ST18: variants seen among roughly 807,000 people sequenced by gnomAD.
The protein encoded by ST18 is ST18 C2H2C-type zinc finger transcription factor, also known as suppression of tumorigenicity 18 protein.
In ST18, 50 loss-of-function variants were observed where a neutral mutation model predicts 110.0. The ratio of observed to expected loss-of-function variants is 0.45; its 90% confidence interval spans 0.36 to 0.58. The LOEUF is 0.58. ST18 is among the 20% of genes least tolerant of loss of function. ST18 has a pLI of 0.00. For synonymous variants in ST18, 461 were observed against 452.4 expected (o/e 1.02, Z -0.24); for missense variants, 1,306 against 1,280.1 (o/e 1.02, Z -0.31).
intron 23 of ST18, among the ~76,000 whole-genome samples, chr8:52,119,560 G>T (rs908611045): frequency 1.3e-5 from 2 of 152,158 alleles, no homozygotes; most frequent in African/African-American, 4.8e-5. Context: ...CCTCCTGAAG[G>T]TGGATGCTCA....
chr8:52,186,210 G>A (rs1340688215), intron 8 of ST18, among the ~76,000 whole-genome samples: 1 of 152,134 alleles, frequency 6.6e-6, no homozygotes, highest in Non-Finnish European at 1.5e-5. Flanking sequence ...AATATATAAA[G>A]AATTCTTCCA....
intron 2 of ST18, among the ~76,000 whole-genome samples, chr8:52,352,798 C>T (rs1203464520): frequency 1.3e-5 from 2 of 152,170 alleles, no homozygotes; most frequent in Admixed American, 6.5e-5. Flanking sequence ...TGCAGAGAAC[C>T]GTGGGAGAAG....
chr8:52,369,387 C>G (rs1315908124), intron 2 of ST18, among the ~76,000 whole-genome samples: 1 of 152,162 alleles, frequency 6.6e-6, no homozygotes, highest in African/African-American at 2.4e-5. Context: ...AAGAGAAATA[C>G]TCTCTCCTTC....
At chr8:52,355,149 A>G (rs892087507) in intron 2 of ST18, among the ~76,000 whole-genome samples, 7 of 152,106 alleles carry the variant, frequency 4.6e-5, no homozygotes, top group African/African-American at 1.7e-4. Flanking sequence ...GCCCACTCCT[A>G]GACTTGGGCA....
At chr8:52,137,376 GAACAAGACCA>G (rs1294260727) in intron 18 of ST18, 35 bp downstream of exon 18, 20 of 1,600,878 alleles carry the variant, frequency 1.2e-5, no homozygotes, top group Non-Finnish European at 1.6e-5. Flanking sequence ...ATTTAAAATA[GAACAAGACCA>G]TGAAAATCTG....
intron 9 of ST18, among the ~76,000 whole-genome samples, chr8:52,174,706 T>C (rs1246058829): frequency 1.3e-5 from 2 of 152,224 alleles, no homozygotes; most frequent in East Asian, 1.9e-4. Flanking sequence ...CTGTTTGTTA[T>C]ATGCTAAAAG....
intron 2 of ST18, among the ~76,000 whole-genome samples, chr8:52,391,199 C>A (rs1217815776): frequency 6.6e-6 from 1 of 152,206 alleles, no homozygotes; most frequent in Non-Finnish European, 1.5e-5. Flanking sequence ...AACCCACCCC[C>A]AGAGCCTTCT....
chr8:52,136,470 G>C (rs2052347767), intron 19 of ST18, 120 bp downstream of exon 19: 2 of 973,898 alleles, frequency 2.1e-6, no homozygotes, highest in Non-Finnish European at 3.1e-6. Context: ...TGCCTTTGCT[G>C]TGATCCTGGC....
chr8:52,295,834 C>T (rs1589694811), intron 2 of ST18, among the ~76,000 whole-genome samples: 2 of 151,632 alleles, frequency 1.3e-5, no homozygotes, highest in East Asian at 3.9e-4. Flanking sequence ...TCCCTGCACG[C>T]TCAATCTGCC....
chr8:52,224,979 T>C (rs2088700444), intron 3 of ST18, among the ~76,000 whole-genome samples: 2 of 152,336 alleles, frequency 1.3e-5, no homozygotes, highest in South Asian at 4.1e-4. Context: ...GCAACTCTCA[T>C]AGGCTCCCAG....
intron 2 of ST18, among the ~76,000 whole-genome samples, chr8:52,347,895 G>T (rs1325493452): frequency 6.6e-6 from 1 of 152,160 alleles, no homozygotes; most frequent in Non-Finnish European, 1.5e-5. Context: ...CAGAGTGCCA[G>T]GCACTAATCC....
intron 2 of ST18, among the ~76,000 whole-genome samples, chr8:52,267,275 G>C (rs572170173): frequency 6.6e-6 from 1 of 151,982 alleles, no homozygotes; most frequent in African/African-American, 2.4e-5. Flanking sequence ...GTATTAGGAG[G>C]GTGAGAAAGA....
chr8:52,275,389 T>C (rs890366530), intron 2 of ST18, among the ~76,000 whole-genome samples: 3 of 152,156 alleles, frequency 2.0e-5, no homozygotes, highest in African/African-American at 7.2e-5. Context: ...TCAGCTCAAG[T>C]TTAAATTCAT....
chr8:52,251,906 T>C (rs1166150946), intron 2 of ST18, among the ~76,000 whole-genome samples: 1 of 152,122 alleles, frequency 6.6e-6, no homozygotes, highest in Non-Finnish European at 1.5e-5. Context: ...ATTTAACTAT[T>C]CTTTTTGCAT....
intron 23 of ST18, among the ~76,000 whole-genome samples, chr8:52,123,488 C>T (rs917840367): frequency 6.6e-6 from 1 of 152,192 alleles, no homozygotes; most frequent in Non-Finnish European, 1.5e-5. Context: ...ACTTTAGGTC[C>T]TTCTGACCTG....
At chr8:52,296,923 A>C (rs763563380) in intron 2 of ST18, among the ~76,000 whole-genome samples, 3 of 152,180 alleles carry the variant, frequency 2.0e-5, no homozygotes, top group Non-Finnish European at 4.4e-5. Flanking sequence ...TGAATTCCTA[A>C]AGAAAATATC....
At chr8:52,314,743 C>T (rs1404210331) in intron 2 of ST18, among the ~76,000 whole-genome samples, 1 of 152,182 alleles carries the variant, frequency 6.6e-6, no homozygotes, top group Admixed American at 6.5e-5. Context: ...ACCAGAGCCT[C>T]CTCTGTGCCC....
chr8:52,207,109 A>T (rs932144268), intron 8 of ST18, among the ~76,000 whole-genome samples: 4 of 152,234 alleles, frequency 2.6e-5, no homozygotes, highest in Non-Finnish European at 2.9e-5. Flanking sequence ...ATAATGAATG[A>T]AATAATATAA....
rs1465862533 is a variant in ST18 at position 52,169,866 on chromosome 8, C to T, written c.1069+1926G>A. ...CCATGCCTCAGGCACTAGGATATACCGCTGAGTCATCCAGCCCTAGTAGGA... is the reference window on the plus strand; with the variant it reads ...CCATGCCTCAGGCACTAGGATATACTGCTGAGTCATCCAGCCCTAGTAGGA... On this transcript the variant is annotated intron_variant, in intron 10 of 25. Coordinates refer to ENST00000689386, the MANE Select transcript of ST18 (RefSeq NM_001352837.2). 2.6e-5 allele frequency among the ~76,000 whole-genome samples: 4 copies of T among 152,142 alleles called. No homozygotes were observed. The East Asian group carries it at 5.8e-4, about 22-fold the overall frequency.
Sources: gnomAD v4.1 joint callset for allele counts (sites outside exome capture counted in the v4.1 genomes callset) on GRCh38, gnomAD v4.1.1 for gene constraint, MANE v1.5 for transcripts, NCBI Gene and HGNC (gene_info 2026-07-23, HGNC 2026-07-21) for gene names.